The following CNTNAP2 variants were observed in gnomAD, a reference collection of about 807,000 sequenced individuals.
CNTNAP2 encodes contactin associated protein 2, also known as contactin-associated protein-like 2.
A neutral mutation model predicts 155.2 loss-of-function variants in CNTNAP2; 98 were observed. The observed-to-expected ratio is 0.63, with a 90% CI of 0.54 to 0.75. The LOEUF (loss-of-function observed/expected upper bound fraction) is 0.75, where lower values mean the gene tolerates loss of function less well. CNTNAP2 is among the 30% of genes least tolerant of loss of function. The probability of loss-of-function intolerance (pLI) is 0.00; values close to 1 mark genes in which losing one functional copy is unlikely to be tolerated. For missense variants in CNTNAP2, 1,727 were observed against 1,688.1 expected (o/e 1.02, Z -0.40); for synonymous variants, 651 against 631.2 (o/e 1.03, Z -0.47).
chr7:148,182,470 C>T (rs1281913054), intron 18 of CNTNAP2, among the ~76,000 whole-genome samples: 7 of 152,298 alleles, frequency 4.6e-5, no homozygotes, highest in Middle Eastern at 3.4e-3. Flanking sequence ...CAACCATTTG[C>T]GCGCTTATCA....
intron 1 of CNTNAP2, among the ~76,000 whole-genome samples, chr7:146,489,142 C>G (rs548280938): frequency 1.8e-4 from 27 of 152,282 alleles, no homozygotes; most frequent in Admixed American, 8.5e-4. Context: ...AACAACAGTT[C>G]CTTCCTTGAA....
At chr7:146,975,629 C>T (rs1198299409) in intron 3 of CNTNAP2, among the ~76,000 whole-genome samples, 1 of 151,940 alleles carries the variant, frequency 6.6e-6, no homozygotes, top group Non-Finnish European at 1.5e-5. Flanking sequence ...GATGTTTTAC[C>T]CCTCCCACCC....
intron 2 of CNTNAP2, among the ~76,000 whole-genome samples, chr7:146,815,534 A>G (rs1000906824): frequency 3.3e-5 from 5 of 152,152 alleles, no homozygotes; most frequent in African/African-American, 1.2e-4. Context: ...GAATATATTC[A>G]TAGACACATA....
chr7:148,332,166 A>G (rs1201655756), intron 21 of CNTNAP2, among the ~76,000 whole-genome samples: 1 of 36,906 alleles, frequency 2.7e-5, no homozygotes, highest in African/African-American at 3.1e-4. Context: ...CTGAGCGGAC[A>G]AAAAAAAAAA....
intron 14 of CNTNAP2, among the ~76,000 whole-genome samples, chr7:147,965,098 C>T (rs180728957): frequency 1.3e-5 from 2 of 152,266 alleles, no homozygotes; most frequent in African/African-American, 4.8e-5. Flanking sequence ...CCAGGTGCTC[C>T]TTGTTCACTG....
rs1101042 is a variant in CNTNAP2 at position 147,806,505 on chromosome 7, A to G, written c.2099-97060A>G. ...AGTAATCCCACTGCTGAATATATAT[A>G]AAAAAGAATGAAAATCAGTATTTCA... is the stretch of plus-strand genomic sequence containing the variant. On this transcript the variant is annotated intron_variant, in intron 13 of 23. Transcript: ENST00000361727. 5.0e-3 allele frequency among the ~76,000 whole-genome samples: 755 copies of G among 152,268 alleles called. 7 individuals are homozygous for G. Among genetic ancestry groups the G allele is most frequent in the African/African-American group, 0.017 (717 of 41,544 alleles).
At chr7:146,694,818 G>A (rs567302175) in intron 1 of CNTNAP2, among the ~76,000 whole-genome samples, 17 of 151,626 alleles carry the variant, frequency 1.1e-4, no homozygotes, top group Non-Finnish European at 1.6e-4. Flanking sequence ...ATATTTTGTC[G>A]GCCTTATATC....
chr7:148,271,470 C>T (rs1238602842), intron 21 of CNTNAP2, among the ~76,000 whole-genome samples: 2 of 152,180 alleles, frequency 1.3e-5, no homozygotes, highest in Non-Finnish European at 2.9e-5. Context: ...CAGTTGAAAA[C>T]CACAGGCTTC....
rs562707341 is a variant in CNTNAP2, at chr7:148,398,879, C to T, written c.3716-10512C>T. On this transcript the variant is annotated intron_variant, in intron 22 of 23. Coordinates refer to ENST00000361727, the MANE Select transcript of CNTNAP2 (RefSeq NM_014141.6). ...GCCTAAGAGGAAAGGTGAAATACAT[C>T]AGAGAATGTCCTTAAAAATATCCCT... Among the ~76,000 whole-genome samples the T allele has an allele frequency of 6.6e-4, 101 of 152,292 alleles. 1 individual carries two copies. The highest frequency in any genetic ancestry group is 2.3e-3 in the African/African-American group (96 of 41,568).
At chr7:146,694,000 A>T (rs979691365) in intron 1 of CNTNAP2, among the ~76,000 whole-genome samples, 1 of 152,112 alleles carries the variant, frequency 6.6e-6, no homozygotes, top group Non-Finnish European at 1.5e-5. Context: ...TAATTATTTT[A>T]AAATTCCAGA....
Position 147,605,944 on chromosome 7 carries a change from C to A in CNTNAP2, c.1898-33162C>A, listed in dbSNP as rs74751987. ...GTGTGTGTGTGTTTGTGTGTCTCTT[C>A]TTTCTAATGTAAATAACATGAGCCT... On this transcript the variant is annotated intron_variant, in intron 12 of 23. Coordinates refer to ENST00000361727, the MANE Select transcript of CNTNAP2 (RefSeq NM_014141.6). Among the ~76,000 whole-genome samples, 219 of 150,812 alleles carry A rather than the reference C, an allele frequency of 1.5e-3. 4 individuals carry two copies. In the East Asian group the frequency reaches 0.021, roughly 14 times the overall value.
At chr7:146,881,610 T>C (rs749389749) in intron 3 of CNTNAP2, among the ~76,000 whole-genome samples, 2 of 151,958 alleles carry the variant, frequency 1.3e-5, no homozygotes, top group African/African-American at 2.4e-5. Flanking sequence ...TCTGAAAACA[T>C]GAAAAATTTA....
chr7:146,137,129 T>G (rs538693717), intron 1 of CNTNAP2, among the ~76,000 whole-genome samples: 1 of 152,202 alleles, frequency 6.6e-6, no homozygotes, highest in East Asian at 1.9e-4. Flanking sequence ...GTATCCTTTA[T>G]AGAGTAGCCT....
intron 8 of CNTNAP2, among the ~76,000 whole-genome samples, chr7:147,227,262 G>A (rs374248713): frequency 2.6e-5 from 4 of 152,204 alleles, no homozygotes; most frequent in African/African-American, 9.6e-5. Context: ...TTAGATCAGA[G>A]AAGATGAAGT....
chr7:148,297,139 G>GA (rs951261038), intron 21 of CNTNAP2, among the ~76,000 whole-genome samples: 4 of 131,268 alleles, frequency 3.0e-5, no homozygotes, highest in Non-Finnish European at 4.9e-5. Context: ...CCTAGGGGAA[G>GA]AAAAAAAAAG....
intron 1 of CNTNAP2, among the ~76,000 whole-genome samples, chr7:146,426,408 T>TAC (rs1315894440): frequency 1.5e-4 from 20 of 136,662 alleles, no homozygotes; most frequent in East Asian, 1.4e-3. Context: ...TATATATATA[T>TAC]ACACACACAC....
intron 18 of CNTNAP2, among the ~76,000 whole-genome samples, chr7:148,194,213 G>A (rs1424782429): frequency 6.6e-6 from 1 of 151,272 alleles, no homozygotes; most frequent in Non-Finnish European, 1.5e-5. Flanking sequence ...GCCCAGGCTG[G>A]TCTCAAAGTT....
intron 1 of CNTNAP2, among the ~76,000 whole-genome samples, chr7:146,378,755 A>T (rs2129104369): frequency 6.6e-6 from 1 of 152,334 alleles, no homozygotes; most frequent in South Asian, 2.1e-4. Flanking sequence ...ACTCATCTAA[A>T]CAATGTGAAA....
chr7:147,472,850 G>C (rs1409882609), intron 10 of CNTNAP2, among the ~76,000 whole-genome samples: 1 of 152,164 alleles, frequency 6.6e-6, no homozygotes, highest in African/African-American at 2.4e-5. Flanking sequence ...AGATATGTTT[G>C]ATCATATTCA....
Sources: allele counts gnomAD v4.1 joint callset (sites outside exome capture counted in the v4.1 genomes callset), GRCh38; gene constraint gnomAD v4.1.1; transcripts MANE v1.5; gene names NCBI Gene and HGNC (gene_info 2026-07-23, HGNC 2026-07-21).